The following RGS7 variants were observed in gnomAD, a reference collection of about 807,000 sequenced individuals.
The protein encoded by RGS7 is regulator of G-protein signaling 7.
In RGS7, 27 loss-of-function variants were observed where a neutral mutation model predicts 81.1. That is an observed-to-expected ratio of 0.33 (90% CI 0.25 to 0.46). The LOEUF (loss-of-function observed/expected upper bound fraction) is 0.46, where lower values mean the gene tolerates loss of function less well. Ranked by LOEUF, RGS7 falls within the 20% of genes least tolerant of loss-of-function variation. The pLI is 1.00. For synonymous variants in RGS7, 208 were observed against 207.7 expected, an observed-to-expected ratio of 1.00 and a Z score of -0.01; for missense variants, 396 against 607.4, an observed-to-expected ratio of 0.65 and a Z score of 3.66.
At chr1:241,245,419 T>C (rs892797927) in intron 2 of RGS7, among the ~76,000 whole-genome samples, 4 of 151,932 alleles carry the variant, frequency 2.6e-5, no homozygotes, top group African/African-American at 9.7e-5. Context: ...TTGTAAGTTT[T>C]GGTGATGCCT....
At chr1:241,111,815 C>G (rs1420544759) in intron 2 of RGS7, among the ~76,000 whole-genome samples, 1 of 152,126 alleles carries the variant, frequency 6.6e-6, no homozygotes, top group African/African-American at 2.4e-5. Context: ...ACTGAATGTG[C>G]ACTGTGGACT....
intron 2 of RGS7, among the ~76,000 whole-genome samples, chr1:241,168,324 G>A (rs2070434434): frequency 6.6e-6 from 1 of 152,022 alleles, no homozygotes; most frequent in South Asian, 2.1e-4. Context: ...TGAGATTGAA[G>A]AGAAAAATAA....
chr1:241,239,912 G>A (rs538734196), intron 2 of RGS7, among the ~76,000 whole-genome samples: 128 of 152,340 alleles, frequency 8.4e-4, no homozygotes, highest in African/African-American at 2.7e-3. Context: ...CACAGCAGAA[G>A]TGAAGACCAC....
chr1:240,941,799 G>A (rs943909652), intron 4 of RGS7, among the ~76,000 whole-genome samples: 2 of 151,164 alleles, frequency 1.3e-5, no homozygotes, highest in African/African-American at 2.4e-5. Context: ...CCATAAGACC[G>A]CTGACAATCT....
At chr1:241,263,334 C>T (rs894032035) in intron 2 of RGS7, among the ~76,000 whole-genome samples, 1 of 152,056 alleles carries the variant, frequency 6.6e-6, no homozygotes, top group African/African-American at 2.4e-5. Context: ...ATAATGGGCA[C>T]ACTTCCTACA....
In RGS7 at chr1:241,138,177, C is replaced by CAAA. The variant is rs57697166; in HGVS notation, c.79-39418_79-39416dup. Among the ~76,000 whole-genome samples the CAAA allele has an allele frequency of 7.2e-4, 83 of 115,414 alleles. 2 individuals carry two copies. Among genetic ancestry groups the CAAA allele is most frequent in the African/African-American group, 2.4e-3 (80 of 33,418 alleles). 75.7% of individuals were successfully genotyped at this position (115,414 alleles called of 152,430 possible). A position where few individuals can be genotyped will look rare whatever the true frequency, so the allele number is the denominator to read the frequency against. ...ACAGAGCAAGACTCCATCTCAAAAA[C>CAAA]AAAAAAAAAAAAAAAAAGAGGAAAT... On this transcript the variant is annotated intron_variant, in intron 2 of 18. Transcript: ENST00000440928.
intron 4 of RGS7, among the ~76,000 whole-genome samples, chr1:240,967,251 T>G (rs1682456888): frequency 1.3e-5 from 2 of 152,200 alleles, no homozygotes; most frequent in Non-Finnish European, 2.9e-5. Flanking sequence ...TTTCTTCCAC[T>G]AGGAGTCACT....
At chr1:241,155,131 A>T (rs1230259240) in intron 2 of RGS7, among the ~76,000 whole-genome samples, 1 of 152,090 alleles carries the variant, frequency 6.6e-6, no homozygotes, top group Non-Finnish European at 1.5e-5. Flanking sequence ...TTTATTTGTT[A>T]TTTTTTCAGT....
chr1:241,012,796 A>G (rs2148665592), intron 3 of RGS7, among the ~76,000 whole-genome samples: 1 of 152,270 alleles, frequency 6.6e-6, no homozygotes, highest in East Asian at 1.9e-4. Context: ...AGATTAACTC[A>G]CAGTAAAAGG....
At chr1:240,920,260 G>A (rs1477895658) in intron 6 of RGS7, 25 of 1,270,082 alleles carry the variant, frequency 2.0e-5, no homozygotes, top group Non-Finnish European at 2.7e-5. Flanking sequence ...AACTTTGGTG[G>A]TGATCGTGGT....
intron 2 of RGS7, among the ~76,000 whole-genome samples, chr1:241,255,491 C>G (rs1296781015): frequency 6.6e-6 from 1 of 152,158 alleles, no homozygotes; most frequent in East Asian, 1.9e-4. Flanking sequence ...ATTCTAAGCT[C>G]ACACAGAAAA....
intron 3 of RGS7, among the ~76,000 whole-genome samples, chr1:240,999,187 T>A (rs1403065714): frequency 6.6e-6 from 1 of 151,908 alleles, no homozygotes; most frequent in African/African-American, 2.4e-5. Context: ...TTGCTGAGAA[T>A]TTCAGTTTAT....
intron 2 of RGS7, among the ~76,000 whole-genome samples, chr1:241,106,896 C>CTTTT (rs543251900): frequency 6.9e-6 from 1 of 143,910 alleles, no homozygotes; most frequent in Non-Finnish European, 1.5e-5. Context: ...GACGTTTCTG[C>CTTTT]TTTTTTTTTT....
chr1:241,317,930 T>C (rs1479813769), intron 2 of RGS7, among the ~76,000 whole-genome samples: 1 of 152,168 alleles, frequency 6.6e-6, no homozygotes, highest in East Asian at 1.9e-4. Context: ...CTTCCGAGAT[T>C]TCCTTTCAAG....
At position 241,016,689 on chromosome 1, in the gene RGS7, T is replaced by C. The variant is rs369212492; in HGVS notation, c.176-33560A>G. ...TAGAGTACTAATGTCTCTACTGTAA[T>C]ACTTCTGTCATGTAGCATTTATCAG... is the stretch of plus-strand genomic sequence containing the variant. On this transcript the variant is annotated intron_variant, in intron 3 of 18. Coordinates refer to ENST00000440928, the MANE Select transcript of RGS7 (RefSeq NM_001364886.1). 6.0e-4 allele frequency among the ~76,000 whole-genome samples: 92 copies of C among 152,312 alleles called. 1 individual carries two copies. Among genetic ancestry groups the C allele is most frequent in the African/African-American group, 2.1e-3 (87 of 41,586 alleles).
chr1:240,846,532 A>T (rs573895253), intron 9 of RGS7, among the ~76,000 whole-genome samples: 1 of 152,122 alleles, frequency 6.6e-6, no homozygotes, highest in Non-Finnish European at 1.5e-5. Context: ...GAAGGGTTTC[A>T]TTCATGCTAG....
chr1:240,937,084 C>G (rs931770825), intron 4 of RGS7, among the ~76,000 whole-genome samples: 1 of 152,168 alleles, frequency 6.6e-6, no homozygotes, highest in Admixed American at 6.5e-5. Context: ...TGTACCGAAA[C>G]GGACAGCCTC....
chr1:240,913,790 T>G (rs941578777), intron 6 of RGS7, among the ~76,000 whole-genome samples: 1 of 147,220 alleles, frequency 6.8e-6, no homozygotes. Context: ...GTAATTTTGT[T>G]TTTTTTTTAT....
chr1:240,806,529 A>G (rs1488059734), intron 14 of RGS7, among the ~76,000 whole-genome samples: 1 of 149,292 alleles, frequency 6.7e-6, no homozygotes, highest in Non-Finnish European at 1.5e-5. Context: ...TATTAATAAA[A>G]ATATAAAAAT....
Sources: gnomAD v4.1 joint callset for allele counts (sites outside exome capture counted in the v4.1 genomes callset) on GRCh38, gnomAD v4.1.1 for gene constraint, MANE v1.5 for transcripts, NCBI Gene and HGNC (gene_info 2026-07-23, HGNC 2026-07-21) for gene names.